The following SNRNP48 variants were observed in gnomAD, a reference collection of about 807,000 sequenced individuals.
SNRNP48 encodes the protein small nuclear ribonucleoprotein U11/U12 subunit 48, also known as U11/U12 small nuclear ribonucleoprotein 48 kDa protein.
In SNRNP48, 43 loss-of-function variants were observed where a neutral mutation model predicts 47.0. The observed-to-expected ratio is 0.92, with a 90% confidence interval of 0.72 to 1.18. The LOEUF is 1.18. Ranked by LOEUF, SNRNP48 falls within the 50% of genes most tolerant of loss-of-function variation. The pLI, the probability that SNRNP48 is intolerant of heterozygous loss-of-function variation, is 0.00. For synonymous variants in SNRNP48, 138 were observed against 144.0 expected (o/e 0.96, Z 0.30); for missense variants, 396 against 422.2 (o/e 0.94, Z 0.54).
intron 5 of SNRNP48, among the ~76,000 whole-genome samples, chr6:7,602,329 C>T (rs752564627): frequency 3.3e-5 from 5 of 152,086 alleles, no homozygotes; most frequent in Middle Eastern, 3.2e-3. Context: ...TTACTCAGTA[C>T]CTGAGGTTTT....
At chr6:7,605,615 T>A in intron 7 of SNRNP48, 129 bp downstream of exon 7, 1 of 845,938 alleles carries the variant, frequency 1.2e-6, no homozygotes, top group Non-Finnish European at 1.8e-6. Context: ...AAATGCTTTT[T>A]GTTTTTCGTT....
intron 4 of SNRNP48, among the ~76,000 whole-genome samples, chr6:7,595,386 A>AC (rs11394182): frequency 0.18 from 26,778 of 151,316 alleles, 3,045 homozygotes; most frequent in Middle Eastern, 0.26. Flanking sequence ...AATTAAAAAA[A>AC]TTATTATTTA....
At chr6:7,593,949 A>G in intron 2 of SNRNP48, 102 bp downstream of exon 2, 1 of 1,036,186 alleles carries the variant, frequency 9.7e-7, no homozygotes, top group South Asian at 1.7e-5. Context: ...TGACAAAATA[A>G]TAGCCCTTAC....
At chr6:7,608,596 A>G (rs572000262) in intron 8 of SNRNP48, among the ~76,000 whole-genome samples, 1 of 152,312 alleles carries the variant, frequency 6.6e-6, no homozygotes, top group East Asian at 1.9e-4. Flanking sequence ...TAAGAGACGA[A>G]ACTGAAATAG....
At chr6:7,595,170 A>G (rs979939924) in intron 4 of SNRNP48, 69 bp downstream of exon 4, 59 of 1,350,920 alleles carry the variant, frequency 4.4e-5, no homozygotes, top group Admixed American at 5.1e-5. Flanking sequence ...CATGTTACTA[A>G]TTTTCTTCAA....
chr6:7,608,750 G>A (rs1324006666), intron 8 of SNRNP48, 75 bp from the exon 9 acceptor site: 7 of 851,700 alleles, frequency 8.2e-6, no homozygotes, highest in East Asian at 2.9e-5. Flanking sequence ...GTGTATTACT[G>A]TTGAATTATT....
intron 3 of SNRNP48, among the ~76,000 whole-genome samples, chr6:7,594,508 T>C (rs1038616811): frequency 1.3e-5 from 2 of 152,172 alleles, no homozygotes; most frequent in Non-Finnish European, 2.9e-5. Context: ...GAGGTTAAAG[T>C]CTTGGGCTCT....
At chr6:7,603,309 A>T (rs1760065701) in intron 6 of SNRNP48, among the ~76,000 whole-genome samples, 1 of 152,162 alleles carries the variant, frequency 6.6e-6, no homozygotes, top group Non-Finnish European at 1.5e-5. Flanking sequence ...CTCTTGGTGT[A>T]TGTCTAGACT....
chr6:7,600,411 A>G (rs1340087163), intron 4 of SNRNP48: 1 of 159,182 alleles, frequency 6.3e-6, no homozygotes, highest in Non-Finnish European at 1.3e-5. Flanking sequence ...CTACTTTAGA[A>G]TAAGTTAGCA....
At chr6:7,596,682 C>G (rs959606362) in intron 4 of SNRNP48, among the ~76,000 whole-genome samples, 1 of 152,172 alleles carries the variant, frequency 6.6e-6, no homozygotes, top group Non-Finnish European at 1.5e-5. Context: ...ACTTTTGTCC[C>G]TGTCAGGGAA....
intron 4 of SNRNP48, among the ~76,000 whole-genome samples, chr6:7,598,079 C>G (rs866519668): frequency 1.3e-4 from 20 of 151,662 alleles, no homozygotes; most frequent in South Asian, 4.2e-4. Context: ...GTGTTAGCCA[C>G]GATGGTCTCG....
chr6:7,597,766 T>C (rs533341717), intron 4 of SNRNP48, among the ~76,000 whole-genome samples: 2 of 152,222 alleles, frequency 1.3e-5, no homozygotes, highest in East Asian at 3.9e-4. Context: ...TTTGAATGAA[T>C]AGTTAAGAGG....
intron 1 of SNRNP48, among the ~76,000 whole-genome samples, chr6:7,592,655 C>T (rs1759838565): frequency 6.6e-6 from 1 of 151,968 alleles, no homozygotes; most frequent in South Asian, 2.1e-4. Context: ...TTCATGCAGC[C>T]AGTAAGTGGC....
In SNRNP48 at chr6:7,601,488, G is replaced by A. The variant is rs549912670; in HGVS notation, c.559G>A (p.Asp187Asn). The change falls in exon 5 of 9, where the codon GAT becomes AAT. Residue 187 changes from aspartate to asparagine, a missense_variant. Coordinates refer to ENST00000342415, the MANE Select transcript of SNRNP48 (RefSeq NM_152551.4). Reference sequence around the variant, plus strand: ...TTCTCAAATTATTGAAAATGACAGCGATCTCTTTGTAGACTTGGCTGCCAA... The same window carrying A: ...TTCTCAAATTATTGAAAATGACAGCAATCTCTTTGTAGACTTGGCTGCCAA... ...SDSQIIENDS[D>N]LFVDLAAKIN... 1.4e-5 allele frequency: 22 copies of A among 1,591,638 alleles called. No homozygotes were observed. The East Asian group carries it at 2.5e-4, about 18-fold the overall frequency.
At chr6:7,598,870 C>T (rs1236975170) in intron 4 of SNRNP48, among the ~76,000 whole-genome samples, 2 of 152,194 alleles carry the variant, frequency 1.3e-5, no homozygotes, top group African/African-American at 4.8e-5. Flanking sequence ...GATATAGTTA[C>T]TTCGGTTAAT....
intron 4 of SNRNP48, among the ~76,000 whole-genome samples, chr6:7,598,847 A>G (rs1477348432): frequency 6.6e-6 from 1 of 152,228 alleles, no homozygotes; most frequent in Non-Finnish European, 1.5e-5. Context: ...TTCAATCTAT[A>G]TACTTATTTT....
intron 4 of SNRNP48, chr6:7,600,704 T>C (rs1760001565): frequency 1.3e-5 from 2 of 152,194 alleles, no homozygotes; most frequent in South Asian, 2.1e-4. Flanking sequence ...GCCACTATGC[T>C]TCCTCCTCAG....
chr6:7,602,315 A>G (rs952176701), intron 5 of SNRNP48, among the ~76,000 whole-genome samples: 2 of 152,070 alleles, frequency 1.3e-5, no homozygotes, highest in African/African-American at 2.4e-5. Context: ...ATACTGAGGG[A>G]TATTTACTCA....
intron 3 of SNRNP48, among the ~76,000 whole-genome samples, chr6:7,594,762 A>G (rs973595871): frequency 6.6e-6 from 1 of 152,196 alleles, no homozygotes; most frequent in Non-Finnish European, 1.5e-5. Flanking sequence ...AATGTTAGCT[A>G]TTATTGGTCA....
Sources: allele counts gnomAD v4.1 joint callset (sites outside exome capture counted in the v4.1 genomes callset), GRCh38; gene constraint gnomAD v4.1.1; transcripts MANE v1.5; gene names NCBI Gene and HGNC (gene_info 2026-07-23, HGNC 2026-07-21).